Variants in PKD1 observed in about 807,000 individuals in gnomAD.
The protein encoded by PKD1 is polycystin 1, transient receptor potential channel interacting, also known as polycystin-1.
A neutral mutation model predicts 361.7 loss-of-function variants in PKD1; 81 were observed. The ratio of observed to expected loss-of-function variants is 0.22; its 90% CI spans 0.19 to 0.27. The LOEUF (loss-of-function observed/expected upper bound fraction) is 0.27, where lower values mean the gene tolerates loss of function less well. Ranked by LOEUF, PKD1 falls within the 10% of genes least tolerant of loss-of-function variation. PKD1 has a pLI of 1.00. For missense variants in PKD1, 6,399 were observed against 6,118.3 expected (o/e 1.05, Z -1.53); for synonymous variants, 3,615 against 2,818.3 (o/e 1.28, Z -8.95).
chr16:2,112,858 G>A lies in PKD1; in HGVS notation c.3091C>T (p.Leu1031=). ...GLQVSTVPAV[L]SPNATLALTA... ...AGTGCTAGCGTGGCATTGGGGGACA[G>A]CACGGCCGGCACTGTGGAGACCTGC... Residue 1031 remains leucine, a synonymous_variant, in exon 13 of 46, where the codon CTG becomes TTG. Transcript: ENST00000262304. 2 of 1,605,820 alleles carry A rather than the reference G, an allele frequency of 1.2e-6. No individual in the cohort carries two copies.
chr16:2,110,626 G>C lies in PKD1; in HGVS notation c.4541C>G (p.Thr1514Ser), dbSNP rs779030441. ...GTCACCTGTGCTGTTGTAAGCGTGGGTGACCTCCGGACCCTCGAGCCACCC... is the reference window on the plus strand; with the variant it reads ...GTCACCTGTGCTGTTGTAAGCGTGGCTGACCTCCGGACCCTCGAGCCACCC... Reference protein sequence around the residue: ...DGGWLEGPEVTHAYNSTGDFT... With the variant: ...DGGWLEGPEVSHAYNSTGDFT... The change falls in exon 15 of 46, where the codon ACC becomes AGC. Residue 1514 changes from threonine to serine, a missense_variant. Physicochemically the swap from Thr to Ser is moderately conservative, Grantham distance 58. Coordinates refer to ENST00000262304, the MANE Select transcript of PKD1 (RefSeq NM_001009944.3). 74 of 1,610,086 alleles carry C rather than the reference G, an allele frequency of 4.6e-5. No individual in the cohort carries two copies. Among genetic ancestry groups the C allele is most frequent in the Non-Finnish European group, 5.5e-5 (65 of 1,179,462 alleles).
At chr16:2,092,397 G>C (rs1245215694) in intron 39 of PKD1, 83 bp downstream of exon 39, 3 of 1,060,836 alleles carry the variant, frequency 2.8e-6, no homozygotes, top group Non-Finnish European at 4.3e-6. Flanking sequence ...CTAGGGAGCA[G>C]GGCTGATGCC....
chr16:2,104,200 TAAGGGAGGGG>T (rs1426813375), intron 22 of PKD1, among the ~76,000 whole-genome samples: 3 of 10,578 alleles, frequency 2.8e-4, no homozygotes, highest in Non-Finnish European at 3.2e-4. Context: ...GGAAGGGGGA[TAAGGGAGGGG>T]AAGGGGGATG....
Position 2,103,770 on chromosome 16 carries a change from G to C in PKD1, c.8287C>G (p.Leu2763Val). The change falls in exon 23 of 46, where the codon CTC (leucine) becomes GTC (valine). Residue 2763 changes from leucine (L) to valine (V), a missense_variant. Coordinates refer to ENST00000262304, the MANE Select transcript of PKD1 (RefSeq NM_001009944.3). ...TCGTTGAGCACGCGGGAGCGCATGA[G>C]GATGCGCATGAGGGCAGAGGTCAGG... Reference protein sequence around the residue: ...YNLTSALMRILMRSRVLNEEP... With the variant: ...YNLTSALMRIVMRSRVLNEEP... The C allele has an allele frequency of 6.2e-7, 1 of 1,609,766 alleles. No individual in the cohort carries two copies. The highest frequency in any genetic ancestry group is 8.5e-7 in the Non-Finnish European group (1 of 1,179,552).
Position 2,133,535 on chromosome 16 carries a change from G to A in PKD1, c.215+1940C>T, listed in dbSNP as rs1423592332. Among the ~76,000 whole-genome samples the A allele has an allele frequency of 7.3e-5, 11 of 150,642 alleles. 1 individual carries two copies. Among genetic ancestry groups the A allele is most frequent in the Admixed American group, 2.6e-4 (4 of 15,132 alleles). ...CCTCTTCCCTGGGGAAAACCCAGCC[G>A]TCTCCCCGAGGAGGAGTTTGCAGGG... On this transcript the variant is annotated intron_variant, in intron 1 of 45. Coordinates refer to ENST00000262304, the MANE Select transcript of PKD1 (RefSeq NM_001009944.3).
Position 2,112,862 on chromosome 16 carries a change from G to A in PKD1, c.3087C>T (p.Ala1029=), listed in dbSNP as rs374628271. 3.5e-5 allele frequency: 56 copies of A among 1,606,058 alleles called. No homozygotes were observed. The highest frequency in any genetic ancestry group is 2.2e-4 in the Middle Eastern group (1 of 4,452). Residue 1029 remains alanine (A), a synonymous_variant, in exon 13 of 46, where the codon GCC becomes GCT. Transcript: ENST00000262304. ...CTAGCGTGGCATTGGGGGACAGCAC[G>A]GCCGGCACTGTGGAGACCTGCAGAC... The part of the protein sequence containing the change: ...MQGLQVSTVP[A]VLSPNATLAL...
At chr16:2,096,391 GT>G (rs1488972388) in intron 34 of PKD1, among the ~76,000 whole-genome samples, 4 of 152,406 alleles carry the variant, frequency 2.6e-5, no homozygotes, top group Non-Finnish European at 5.9e-5. Flanking sequence ...GGTCACACGC[GT>G]GGGAACACGC....
intron 41 of PKD1, 84 bp downstream of exon 41, chr16:2,091,697 G>A (rs2091589557): frequency 1.3e-6 from 2 of 1,575,760 alleles, no homozygotes; most frequent in African/African-American, 1.3e-5. Context: ...AGCCGCCTAG[G>A]CCAGCGGGGG....
At position 2,110,816 on chromosome 16, in the gene PKD1, T is replaced by C. The variant is rs755877666; in HGVS notation, c.4351A>G (p.Ile1451Val). The change falls in exon 15 of 46, where the codon ATC becomes GTC. Residue 1451 changes from isoleucine (I) to valine (V), a missense_variant. By Grantham distance (29) the Ile-to-Val change is conservative. Coordinates refer to ENST00000262304, the MANE Select transcript of PKD1 (RefSeq NM_001009944.3). Reference protein sequence around the residue: ...YLVTVTASNNISAANDSALVE... With the variant: ...YLVTVTASNNVSAANDSALVE... ...AGGGCTGAGTCATTGGCAGCAGAGA[T>C]GTTGTTGGACGCGGTGACTGTCACA... 7.4e-6 allele frequency: 12 copies of C among 1,611,428 alleles called. No homozygotes were observed. Among genetic ancestry groups the C allele is most frequent in the Middle Eastern group, 1.9e-4 (1 of 5,264 alleles).
At chr16:2,115,335 C>A in intron 10 of PKD1, 43 bp downstream of exon 10, 1 of 1,457,690 alleles carries the variant, frequency 6.9e-7, no homozygotes, top group Non-Finnish European at 9.4e-7. Flanking sequence ...AGGAAGGTGG[C>A]CTGAGGAGAT....
intron 8 of PKD1, 137 bp from the exon 9 acceptor site, chr16:2,116,255 G>A (rs367609178): frequency 1.5e-5 from 14 of 936,808 alleles, no homozygotes; most frequent in Admixed American, 4.0e-5. Flanking sequence ...GGCTCCTGTC[G>A]CTCGAGAGGA....
Position 2,115,148 on chromosome 16 carries a change from G to A in PKD1, c.2098-223C>T, listed in dbSNP as rs1194767600. On this transcript the variant is annotated intron_variant, in intron 10 of 45. Coordinates refer to ENST00000262304, the MANE Select transcript of PKD1 (RefSeq NM_001009944.3). ...ACCTGGCAGACAGGAAGGAGCAGCT[G>A]TGCTGGGAGAGAGGAAGAGGAGGCA... 2.5e-5 allele frequency: 22 copies of A among 872,638 alleles called. No homozygotes were observed. In the Middle Eastern group the frequency reaches 4.2e-3, roughly 166 times the overall value. The allele number at this position is 872,638 out of a possible 1,614,324, so 54.1% of individuals were successfully genotyped here. A position where few individuals can be genotyped will look rare whatever the true frequency, so the allele number is the denominator to read the frequency against.
Position 2,090,132 on chromosome 16 carries a change from G to C in PKD1, c.12507C>G (p.Ser4169=), listed in dbSNP as rs780509938. ...EPLPSRSSRG[S]KVSPDVPPPS... ...GTGGGGGCACATCCGGGGATACCTT[G>C]GAGCCCCTGGAGGAGCGAGAGGGCA... Residue 4169 remains serine (S), a synonymous_variant, in exon 46 of 46, where the codon TCC becomes TCG. Coordinates refer to ENST00000262304, the MANE Select transcript of PKD1 (RefSeq NM_001009944.3). 5 of 1,597,072 alleles carry C rather than the reference G, an allele frequency of 3.1e-6. No individual in the cohort carries two copies. The Admixed American group carries it at 8.4e-5, about 27-fold the overall frequency.
chr16:2,105,997 G>C lies in PKD1; in HGVS notation c.7731C>G (p.Pro2577=). ...CTGTGAGCCCCGTTGCGCTGCCGTT[G>C]GGCTCTGGGAGGGTGATGGCCAAAG... is the stretch of plus-strand genomic sequence containing the variant. ...NRSLAITLPE[P]NGSATGLTVW... Residue 2577 remains proline (P), a synonymous_variant, in exon 20 of 46, where the codon CCC becomes CCG. Coordinates refer to ENST00000262304, the MANE Select transcript of PKD1 (RefSeq NM_001009944.3). 1.9e-6 allele frequency: 3 copies of C among 1,604,690 alleles called. No individual in the cohort carries two copies. Among genetic ancestry groups the C allele is most frequent in the Non-Finnish European group, 2.5e-6 (3 of 1,179,634 alleles).
intron 22 of PKD1, among the ~76,000 whole-genome samples, chr16:2,104,144 T>G (rs1596529066): frequency 1.3e-4 from 1 of 7,464 alleles, no homozygotes; most frequent in Non-Finnish European, 2.2e-4. Flanking sequence ...AGGAAAAGGG[T>G]AGAGAAAAGA....
chr16:2,101,813 CGCTACTGT>C, intron 26 of PKD1: 1 of 600,606 alleles, frequency 1.7e-6, no homozygotes, highest in Non-Finnish European at 3.0e-6. Context: ...TGTGGGGCCA[CGCTACTGT>C]GCAGAACGTG....
At position 2,093,087 on chromosome 16, in the gene PKD1, G is replaced by A. The variant is rs1169106302; in HGVS notation, c.11023C>T (p.Leu3675=). The part of the protein sequence containing the change: ...KRLHGMLRSL[L]VYMLFLLVTL... ...ACCAGCAGAAAAAGCATGTACACCAGGAGGCTCTGGTGGACGGGGGGGCCC... is the reference window on the plus strand; with the variant it reads ...ACCAGCAGAAAAAGCATGTACACCAAGAGGCTCTGGTGGACGGGGGGGCCC... The change falls in exon 38 of 46, where the codon CTG becomes TTG. Residue 3675 remains leucine, a synonymous_variant. Transcript: ENST00000262304. 3 of 1,612,568 alleles carry A rather than the reference G, an allele frequency of 1.9e-6. No individual in the cohort carries two copies. Among genetic ancestry groups the A allele is most frequent in the African/African-American group, 2.7e-5 (2 of 74,914 alleles).
In PKD1 at chr16:2,135,554, C is replaced by T. The variant is rs2092940675; in HGVS notation, c.136G>A (p.Ala46Thr). 4 of 1,125,672 alleles carry T rather than the reference C, an allele frequency of 3.6e-6. No individual in the cohort carries two copies. The highest frequency in any genetic ancestry group is 4.3e-6 in the Non-Finnish European group (4 of 920,494). 69.7% of individuals were successfully genotyped at this position (1,125,672 alleles called of 1,614,324 possible). A position where few individuals can be genotyped will look rare whatever the true frequency, so the allele number is the denominator to read the frequency against. Reference sequence around the variant, plus strand: ...CGGCCCGAGCAGTTGACGCGGCAGGCGGCGCCGGGCGCTGGGCCGCAGAGG... The same window carrying T: ...CGGCCCGAGCAGTTGACGCGGCAGGTGGCGCCGGGCGCTGGGCCGCAGAGG... ...PCLCGPAPGA[A>T]CRVNCSGRGL... The change falls in exon 1 of 46, where the codon GCC becomes ACC. Residue 46 changes from alanine (A) to threonine (T), a missense_variant. By Grantham distance (58) the Ala-to-Thr change is moderately conservative (BLOSUM62 0). Transcript: ENST00000262304.
intron 1 of PKD1, among the ~76,000 whole-genome samples, chr16:2,134,640 C>G (rs2092928679): frequency 1.3e-5 from 2 of 151,724 alleles, no homozygotes; most frequent in African/African-American, 4.9e-5. Flanking sequence ...GGTCGTGTCA[C>G]CTCTCCAAAC....
Sources: gnomAD v4.1 joint callset for allele counts (sites outside exome capture counted in the v4.1 genomes callset) on GRCh38, gnomAD v4.1.1 for gene constraint, MANE v1.5 for transcripts, NCBI Gene and HGNC (gene_info 2026-07-23, HGNC 2026-07-21) for gene names.